Variants in USP3 observed in about 807,000 individuals in gnomAD.
The protein encoded by USP3 is ubiquitin specific peptidase 3, also known as ubiquitin carboxyl-terminal hydrolase 3.
In USP3, 20 loss-of-function variants were observed where a neutral mutation model predicts 72.3. The observed-to-expected ratio is 0.28, with a 90% CI of 0.19 to 0.40. USP3 has a LOEUF of 0.40. USP3 is among the 10% of genes least tolerant of loss of function. The pLI is 1.00. For synonymous variants in USP3, 222 were observed against 225.3 expected, an observed-to-expected ratio of 0.99 and a Z score of 0.13; for missense variants, 479 against 633.9, an observed-to-expected ratio of 0.76 and a Z score of 2.62.
chr15:63,536,971 T>C (rs2066167536), intron 2 of USP3, 54 bp from the exon 3 acceptor site: 2 of 1,541,590 alleles, frequency 1.3e-6, no homozygotes, highest in Non-Finnish European at 1.8e-6. Flanking sequence ...CATTTCCTAC[T>C]CCTTTAATTT....
intron 2 of USP3, 27 bp downstream of exon 2, chr15:63,532,734 G>A: frequency 6.2e-7 from 1 of 1,611,410 alleles, no homozygotes; most frequent in Non-Finnish European, 8.5e-7. Flanking sequence ...TTACTTCACT[G>A]ACCTATTTGC....
Position 63,588,691 on chromosome 15 carries a change from C to T in USP3, c.1216-11C>T. 1 of 1,595,516 alleles carries T rather than the reference C, an allele frequency of 6.3e-7. No individual in the cohort carries two copies. Among genetic ancestry groups the T allele is most frequent in the Non-Finnish European group, 8.6e-7 (1 of 1,164,248 alleles). The stretch of plus-strand genomic sequence containing the variant: ...GTGTTCACAATCTTTGACCGCATCT[C>T]TGTCCTCCAGGTGCTATGCTTACAT... On this transcript the variant is annotated splice_polypyrimidine_tract_variant and intron_variant, in intron 12 of 14. Coordinates refer to ENST00000380324, the MANE Select transcript of USP3 (RefSeq NM_006537.4). This position sits in a 1 kb window ranked among gnomAD's most constrained non-coding sequence, Gnocchi z 4.6.
In USP3 at chr15:63,574,003, G is replaced by T. The variant is rs1454985454; in HGVS notation, c.909-43G>T. On this transcript the variant is annotated intron_variant, in intron 9 of 14. Transcript: ENST00000380324. This position sits in a 1 kb window ranked among gnomAD's most constrained non-coding sequence, Gnocchi z 4.6. ...GTAGTTTTTTAAATGTCAAAGAGAT[G>T]GCTTCTTACTGAGATATTTTCCTGT... The T allele has an allele frequency of 1.5e-6, 2 of 1,370,390 alleles. No homozygotes were observed. Among genetic ancestry groups the T allele is most frequent in the South Asian group, 1.7e-5 (1 of 60,210 alleles). 84.9% of individuals were successfully genotyped at this position (1,370,390 alleles called of 1,614,324 possible). A position where few individuals can be genotyped will look rare whatever the true frequency, so the allele number is the denominator to read the frequency against.
intron 8 of USP3, among the ~76,000 whole-genome samples, chr15:63,565,983 G>GA (rs1170420304): frequency 3.3e-5 from 5 of 152,158 alleles, no homozygotes; most frequent in African/African-American, 1.2e-4. Flanking sequence ...TGCTGTCTCT[G>GA]TATGTCATGT....
intron 3 of USP3, among the ~76,000 whole-genome samples, chr15:63,542,780 G>A (rs1008489139): frequency 6.6e-6 from 1 of 152,010 alleles, no homozygotes; most frequent in African/African-American, 2.4e-5. Flanking sequence ...TATCAGAAAC[G>A]AGACTAATAC....
rs769661346 is a variant in USP3 at position 63,570,598 on chromosome 15, C to G, written c.908+19C>G. On this transcript the variant is annotated intron_variant, in intron 9 of 14. Transcript: ENST00000380324. This position sits in a 1 kb window ranked among gnomAD's most constrained non-coding sequence, Gnocchi z 4.4. ...GTTGCATGTAAGATTTAGTTGCCTT[C>G]TGTTTTTTAGGAGGGCCTCAGACAT... The G allele has an allele frequency of 1.9e-6, 3 of 1,595,278 alleles. No homozygotes were observed. The African/African-American group carries it at 4.0e-5, about 22-fold the overall frequency.
Position 63,553,560 on chromosome 15 carries a change from C to T in USP3, c.285-155C>T. 1.9e-6 allele frequency: 1 copy of T among 514,786 alleles called. No homozygotes were observed. Among genetic ancestry groups the T allele is most frequent in the Non-Finnish European group, 3.2e-6 (1 of 311,886 alleles). The allele number at this position is 514,786 out of a possible 1,614,324, so 31.9% of individuals were successfully genotyped here. On this transcript the variant is annotated intron_variant, in intron 3 of 14. Coordinates refer to ENST00000380324, the MANE Select transcript of USP3 (RefSeq NM_006537.4). The surrounding 1 kb of genome is among the most constrained non-coding windows in gnomAD (Gnocchi z 4.2). ...TTAAAAAAGACTCTTGAAAAACATT[C>T]CATTGTGAATTCCAGGTCCTCTTTA...
At position 63,592,444 on chromosome 15, in the gene USP3, G is replaced by A. The variant is rs1045451463; in HGVS notation, c.*1618G>A. On this transcript the variant is annotated 3_prime_UTR_variant, in exon 15 of 15. Coordinates refer to ENST00000380324, the MANE Select transcript of USP3 (RefSeq NM_006537.4). ...TTGTGTTAAGCCAACGAGACTTTCT[G>A]GCAATTTTTTTTTTTTTTTTTTAAT... 7.0e-6 allele frequency: 1 copy of A among 141,948 alleles called. No homozygotes were observed. The highest frequency in any genetic ancestry group is 2.6e-5 in the African/African-American group (1 of 38,824). The allele number at this position is 141,948 out of a possible 1,614,324, so 8.8% of individuals were successfully genotyped here.
At position 63,582,631 on chromosome 15, in the gene USP3, T is replaced by TC. The variant is rs2066983650; in HGVS notation, c.1097-5673dup. On this transcript the variant is annotated intron_variant, in intron 11 of 14. Transcript: ENST00000380324. ...AACTTTCCATTATCTTGTGCATAAA[T>TC]CAGCAGGGAGACCACTACATGGTCA... Among the ~76,000 whole-genome samples the TC allele has an allele frequency of 5.3e-5, 8 of 152,274 alleles. No homozygotes were observed. The South Asian group carries it at 1.7e-3, about 32-fold the overall frequency.
Position 63,570,626 on chromosome 15 carries a change from C to A in USP3, c.908+47C>A, listed in dbSNP as rs930421079. 7.0e-6 allele frequency: 11 copies of A among 1,562,236 alleles called. No homozygotes were observed. Among genetic ancestry groups the A allele is most frequent in the Non-Finnish European group, 8.7e-6 (10 of 1,155,962 alleles). ...TTTTTTAGGAGGGCCTCAGACATTT[C>A]TTTTGGTGTTAATTATGTGTTAGAT... On this transcript the variant is annotated intron_variant, in intron 9 of 14. Coordinates refer to ENST00000380324, the MANE Select transcript of USP3 (RefSeq NM_006537.4). This position sits in a 1 kb window ranked among gnomAD's most constrained non-coding sequence, Gnocchi z 4.4.
chr15:63,568,164 C>T (rs1288809624), intron 8 of USP3, among the ~76,000 whole-genome samples: 1 of 151,936 alleles, frequency 6.6e-6, no homozygotes, highest in Non-Finnish European at 1.5e-5. Flanking sequence ...CCATCCTGGT[C>T]AACATGGTGA....
chr15:63,514,692 CTTAA>C (rs2065828942), intron 1 of USP3, among the ~76,000 whole-genome samples: 1 of 152,054 alleles, frequency 6.6e-6, no homozygotes, highest in Non-Finnish European at 1.5e-5. Context: ...CCCTAAACCT[CTTAA>C]TTATTTTATT....
Position 63,574,694 on chromosome 15 carries a change from A to G in USP3, c.1096+291A>G, listed in dbSNP as rs1393165598. On this transcript the variant is annotated intron_variant, in intron 11 of 14. Transcript: ENST00000380324. This position sits in a 1 kb window ranked among gnomAD's most constrained non-coding sequence, Gnocchi z 4.6. The stretch of plus-strand genomic sequence containing the variant: ...AAGTTTTTCTGACCAAATGAAACAG[A>G]AGTTATTCTGTGGTTATCCCACTAG... Among the ~76,000 whole-genome samples, 1 of 152,224 alleles carries G rather than the reference A, an allele frequency of 6.6e-6. No homozygotes were observed. Among genetic ancestry groups the G allele is most frequent in the Non-Finnish European group, 1.5e-5 (1 of 68,032 alleles).
Position 63,544,030 on chromosome 15 carries a change from G to A in USP3, c.284+6874G>A, listed in dbSNP as rs190648179. On this transcript the variant is annotated intron_variant, in intron 3 of 14. Coordinates refer to ENST00000380324, the MANE Select transcript of USP3 (RefSeq NM_006537.4). The surrounding 1 kb of genome is among the most constrained non-coding windows in gnomAD (Gnocchi z 4.2). ...TTCGAGACCAGCCTGGGCAACACAG[G>A]GAGACACTGTCTTTAAAAAAAAAAA... 8.7e-5 allele frequency among the ~76,000 whole-genome samples: 13 copies of A among 149,448 alleles called. 1 individual carries two copies. Among genetic ancestry groups the A allele is most frequent in the Non-Finnish European group, 1.9e-4 (13 of 67,530 alleles).
At chr15:63,586,458 T>G (rs1432149402) in intron 11 of USP3, 2 of 152,266 alleles carry the variant, frequency 1.3e-5, no homozygotes, top group Non-Finnish European at 2.9e-5. Flanking sequence ...AGGCCATAGC[T>G]TTTTACATGA....
At chr15:63,562,166 C>T (rs1479544538) in intron 7 of USP3, among the ~76,000 whole-genome samples, 1 of 152,188 alleles carries the variant, frequency 6.6e-6, no homozygotes, top group Non-Finnish European at 1.5e-5. Flanking sequence ...TAGGACTACT[C>T]TTTCTTTTTA....
Position 63,526,206 on chromosome 15 carries a change from T to G in USP3, c.92-6441T>G, listed in dbSNP as rs1415067202. ...TTTAAAAAATTTATATGCCGGTATG[T>G]AGTACATACATAGACTCAGAAACAC... On this transcript the variant is annotated intron_variant, in intron 1 of 14. Transcript: ENST00000380324. Among the ~76,000 whole-genome samples, 2 of 152,218 alleles carry G rather than the reference T, an allele frequency of 1.3e-5. 1 individual carries two copies. The highest frequency in any genetic ancestry group is 2.9e-5 in the Non-Finnish European group (2 of 68,042).
At chr15:63,583,163 T>C (rs1346638644) in intron 11 of USP3, among the ~76,000 whole-genome samples, 2 of 152,166 alleles carry the variant, frequency 1.3e-5, no homozygotes, top group Non-Finnish European at 2.9e-5. Context: ...CTTCTCAGTG[T>C]TGTGTGGCTA....
chr15:63,565,760 T>C (rs1439839319), intron 8 of USP3, among the ~76,000 whole-genome samples: 1 of 152,198 alleles, frequency 6.6e-6, no homozygotes, highest in Non-Finnish European at 1.5e-5. Flanking sequence ...TATCATAATT[T>C]GTGTCCAAGT....
Sources: gnomAD v4.1 joint callset for allele counts (sites outside exome capture counted in the v4.1 genomes callset) on GRCh38, gnomAD v4.1.1 for gene constraint, Gnocchi (gnomAD v3.1) non-coding constraint, MANE v1.5 for transcripts, NCBI Gene and HGNC (gene_info 2026-07-23, HGNC 2026-07-21) for gene names.